Variants in ADGRB3 observed in about 807,000 individuals in gnomAD.
ADGRB3 encodes brain-specific angiogenesis inhibitor 3.
A neutral mutation model predicts 193.4 loss-of-function variants in ADGRB3; 37 were observed. That is an observed-to-expected ratio of 0.19 (90% CI 0.15 to 0.25). ADGRB3 has a LOEUF of 0.25. ADGRB3 is among the 10% of genes least tolerant of loss of function. ADGRB3 has a pLI of 1.00. For synonymous variants in ADGRB3, 690 were observed against 644.2 expected (o/e 1.07, Z -1.08); for missense variants, 1,637 against 1,852.9 (o/e 0.88, Z 2.14).
chr6:69,206,918 T>C (rs1246492914), intron 17 of ADGRB3, among the ~76,000 whole-genome samples: 2 of 152,192 alleles, frequency 1.3e-5, no homozygotes, highest in Admixed American at 6.5e-5. Context: ...TAGTCCTGGA[T>C]TGGGCTTTTG....
intron 3 of ADGRB3, among the ~76,000 whole-genome samples, chr6:68,841,913 G>T: frequency 6.7e-6 from 1 of 149,548 alleles, no homozygotes; most frequent in African/African-American, 2.4e-5. Context: ...TTGCTTAATT[G>T]GTACAAAAAA....
At chr6:68,978,378 A>T (rs1768811349) in intron 10 of ADGRB3, among the ~76,000 whole-genome samples, 1 of 151,380 alleles carries the variant, frequency 6.6e-6, no homozygotes, top group African/African-American at 2.4e-5. Context: ...TAGAGATAAG[A>T]TAGATGTTGC....
intron 11 of ADGRB3, among the ~76,000 whole-genome samples, chr6:69,008,096 A>G (rs568700164): frequency 6.6e-6 from 1 of 152,164 alleles, no homozygotes; most frequent in Admixed American, 6.5e-5. Flanking sequence ...GCATAATTAC[A>G]TTTTAAAGGC....
chr6:68,857,362 G>A (rs1765017372), intron 3 of ADGRB3, among the ~76,000 whole-genome samples: 1 of 152,172 alleles, frequency 6.6e-6, no homozygotes, highest in Non-Finnish European at 1.5e-5. Flanking sequence ...CAGCTGGGAG[G>A]GAGGCTATAC....
intron 17 of ADGRB3, among the ~76,000 whole-genome samples, chr6:69,146,876 A>G (rs947583834): frequency 1.4e-5 from 1 of 70,392 alleles, no homozygotes; most frequent in Admixed American, 1.9e-4. Flanking sequence ...TTCATGGTTT[A>G]ATATTGGTAA....
At chr6:68,971,781 A>G (rs982462081) in intron 8 of ADGRB3, among the ~76,000 whole-genome samples, 10 of 152,220 alleles carry the variant, frequency 6.6e-5, no homozygotes, top group African/African-American at 2.2e-4. Flanking sequence ...AGGCTCCAAC[A>G]TTTACTAACT....
intron 30 of ADGRB3, among the ~76,000 whole-genome samples, chr6:69,379,454 C>T (rs1769899271): frequency 6.6e-6 from 1 of 151,984 alleles, no homozygotes; most frequent in Admixed American, 6.6e-5. Flanking sequence ...TTAGAAGCAT[C>T]AGTGCTACAA....
intron 3 of ADGRB3, among the ~76,000 whole-genome samples, chr6:68,928,203 A>G (rs1437292384): frequency 6.6e-6 from 1 of 152,176 alleles, no homozygotes; most frequent in Non-Finnish European, 1.5e-5. Flanking sequence ...AACTTAAGAA[A>G]GTGTTAAAAA....
intron 20 of ADGRB3, among the ~76,000 whole-genome samples, chr6:69,312,809 A>G (rs1768223058): frequency 1.3e-5 from 2 of 151,772 alleles, no homozygotes; most frequent in African/African-American, 4.8e-5. Context: ...GATTACACAC[A>G]TGAATGCATA....
chr6:68,751,168 G>C (rs1240391004), intron 3 of ADGRB3, among the ~76,000 whole-genome samples: 1 of 152,158 alleles, frequency 6.6e-6, no homozygotes, highest in Non-Finnish European at 1.5e-5. Flanking sequence ...GCACAGACAA[G>C]AATGATTAAA....
At chr6:69,104,846 A>T (rs79803582) in intron 17 of ADGRB3, among the ~76,000 whole-genome samples, 1 of 152,166 alleles carries the variant, frequency 6.6e-6, no homozygotes, top group South Asian at 2.1e-4. Context: ...TTTCAAAAAC[A>T]TATGTGTATT....
chr6:68,772,961 AAT>A lies in ADGRB3; in HGVS notation c.757+133531_757+133532del, dbSNP rs1292892372. On this transcript the variant is annotated intron_variant, in intron 3 of 31. Coordinates refer to ENST00000370598, the MANE Select transcript of ADGRB3 (RefSeq NM_001704.3). ...TACACACACAAAAATAAAAAATAAA[AAT>A]AAAATAGACAGGCATGGTAGTACAC... Among the ~76,000 whole-genome samples, 3 of 141,642 alleles carry A rather than the reference AAT, an allele frequency of 2.1e-5. No individual in the cohort carries two copies. In the South Asian group the frequency reaches 6.6e-4, roughly 31 times the overall value. The allele number at this position is 141,642 out of a possible 152,430, so 92.9% of individuals were successfully genotyped here. A position where few individuals can be genotyped will look rare whatever the true frequency, so the allele number is the denominator to read the frequency against.
chr6:69,028,829 A>G (rs893751459), intron 13 of ADGRB3, among the ~76,000 whole-genome samples: 1 of 152,204 alleles, frequency 6.6e-6, no homozygotes, highest in African/African-American at 2.4e-5. Flanking sequence ...AACATAAAGA[A>G]AGATATTTTT....
chr6:68,909,223 T>C (rs1288275600), intron 3 of ADGRB3, among the ~76,000 whole-genome samples: 2 of 152,192 alleles, frequency 1.3e-5, no homozygotes. Flanking sequence ...ATTTTTTTGG[T>C]AGTGGAGTTG....
In ADGRB3 at chr6:69,202,933, A is replaced by G. The variant is rs556424327; in HGVS notation, c.2481-30357A>G. Among the ~76,000 whole-genome samples the G allele has an allele frequency of 7.4e-4, 113 of 152,260 alleles. 1 individual carries two copies. The highest frequency in any genetic ancestry group is 2.6e-3 in the African/African-American group (108 of 41,574). On this transcript the variant is annotated intron_variant, in intron 17 of 31. Transcript: ENST00000370598. ...TGCTTTAGCAGAACGTTGGAGTTAC[A>G]TGACCTTTAACAGTAATAGCCAAGT...
intron 15 of ADGRB3, 46 bp from the exon 16 acceptor site, chr6:69,062,888 T>C (rs763518500): frequency 7.1e-7 from 1 of 1,402,992 alleles, no homozygotes; most frequent in African/African-American, 1.4e-5. Context: ...GAATTTATAC[T>C]TTTCAGCACT....
At chr6:69,100,485 GTTCTCCCA>G (rs1160307260) in intron 17 of ADGRB3, among the ~76,000 whole-genome samples, 6 of 152,084 alleles carry the variant, frequency 3.9e-5, no homozygotes, top group Admixed American at 3.3e-4. Flanking sequence ...CAAAAACTAA[GTTCTCCCA>G]TTTTGTAATT....
chr6:68,781,543 A>G (rs1766852543), intron 3 of ADGRB3, among the ~76,000 whole-genome samples: 1 of 152,152 alleles, frequency 6.6e-6, no homozygotes. Context: ...CTAAGAGTAA[A>G]GGTCTCATTC....
intron 17 of ADGRB3, among the ~76,000 whole-genome samples, chr6:69,138,956 A>G (rs144025826): frequency 6.6e-6 from 1 of 152,348 alleles, no homozygotes; most frequent in African/African-American, 2.4e-5. Flanking sequence ...ATTCAGAGTA[A>G]GTAGATCCTG....
Sources: gnomAD v4.1 joint callset for allele counts (sites outside exome capture counted in the v4.1 genomes callset) on GRCh38, gnomAD v4.1.1 for gene constraint, MANE v1.5 for transcripts, NCBI Gene and HGNC (gene_info 2026-07-23, HGNC 2026-07-21) for gene names.